Variants in UBE2E3 observed in about 807,000 individuals in gnomAD.
UBE2E3 encodes the protein ubiquitin conjugating enzyme E2 E3, also known as ubiquitin-conjugating enzyme E2 E3.
Under a neutral mutation model 23.6 loss-of-function variants are expected in UBE2E3, and 5 were observed. The observed-to-expected ratio is 0.21, with a 90% CI of 0.11 to 0.44. The LOEUF (loss-of-function observed/expected upper bound fraction) is 0.44, where lower values mean the gene tolerates loss of function less well. Among genes scored for constraint, UBE2E3 ranks in the 20% least tolerant of loss-of-function variants. The probability of loss-of-function intolerance (pLI) is 0.99; values close to 1 mark genes in which losing one functional copy is unlikely to be tolerated. For missense variants in UBE2E3, 81 were observed against 249.8 expected (o/e 0.32, Z 4.55); for synonymous variants, 78 against 87.5 (o/e 0.89, Z 0.60).
chr2:181,024,284 C>G (rs1047281940), intron 3 of UBE2E3, among the ~76,000 whole-genome samples: 8 of 152,018 alleles, frequency 5.3e-5, no homozygotes, highest in African/African-American at 1.9e-4. Flanking sequence ...TTAAAGTGAG[C>G]TATGAATTAA....
At chr2:181,047,943 T>G (rs1486163856) in intron 3 of UBE2E3, among the ~76,000 whole-genome samples, 5 of 143,584 alleles carry the variant, frequency 3.5e-5, no homozygotes. Flanking sequence ...ACAGCTTCCC[T>G]CATTAGGTCG....
chr2:181,010,718 AT>A (rs1383522635), intron 3 of UBE2E3, among the ~76,000 whole-genome samples: 1 of 152,170 alleles, frequency 6.6e-6, no homozygotes, highest in Non-Finnish European at 1.5e-5. Flanking sequence ...CCTGTGACTG[AT>A]ACAATCAATT....
At chr2:180,996,823 A>G (rs1559114924) in intron 3 of UBE2E3, among the ~76,000 whole-genome samples, 1 of 152,314 alleles carries the variant, frequency 6.6e-6, no homozygotes, top group East Asian at 1.9e-4. Flanking sequence ...ATGTTGACCA[A>G]GATACATTTG....
intron 3 of UBE2E3, among the ~76,000 whole-genome samples, chr2:181,030,353 G>A (rs753130739): frequency 2.0e-5 from 3 of 151,212 alleles, no homozygotes; most frequent in Non-Finnish European, 4.4e-5. Context: ...TTGCTCTGTC[G>A]CCCAGGCTGG....
Position 180,993,289 on chromosome 2 carries a change from G to C in UBE2E3, c.245+9196G>C, listed in dbSNP as rs1427397314. Among the ~76,000 whole-genome samples the C allele has an allele frequency of 2.0e-5, 3 of 152,224 alleles. No individual in the cohort carries two copies. In the East Asian group the frequency reaches 5.8e-4, roughly 29 times the overall value. ...TATATAATACTTGTTTTAACTTTAT[G>C]GTTATTCACAACAAATGAAGCTTTG... On this transcript the variant is annotated intron_variant, in intron 3 of 5. Coordinates refer to ENST00000410062, the MANE Select transcript of UBE2E3 (RefSeq NM_006357.4).
intron 3 of UBE2E3, among the ~76,000 whole-genome samples, chr2:181,025,617 A>C (rs770131178): frequency 6.6e-6 from 1 of 151,920 alleles, no homozygotes; most frequent in African/African-American, 2.4e-5. Context: ...GTCCTGTGTT[A>C]CTGGACTTGT....
intron 3 of UBE2E3, among the ~76,000 whole-genome samples, chr2:181,003,311 T>C (rs1685042382): frequency 6.6e-6 from 1 of 152,236 alleles, no homozygotes; most frequent in Non-Finnish European, 1.5e-5. Context: ...TTCTAACTGC[T>C]TTATCACATT....
chr2:181,020,970 T>C lies in UBE2E3; in HGVS notation c.246-36723T>C, dbSNP rs1420603373. 5.3e-5 allele frequency among the ~76,000 whole-genome samples: 8 copies of C among 152,312 alleles called. No individual in the cohort carries two copies. The South Asian group carries it at 1.7e-3, about 32-fold the overall frequency. ...TTATCCTTCCTGTTTTGTAATATTT[T>C]AGTTGGACATGTTTCAATATTTGTG... On this transcript the variant is annotated intron_variant, in intron 3 of 5. Coordinates refer to ENST00000410062, the MANE Select transcript of UBE2E3 (RefSeq NM_006357.4).
At chr2:180,992,225 C>T (rs538119484) in intron 3 of UBE2E3, among the ~76,000 whole-genome samples, 5 of 151,018 alleles carry the variant, frequency 3.3e-5, no homozygotes, top group African/African-American at 9.7e-5. Flanking sequence ...TCTTTGTTTA[C>T]TGGGTTGTTT....
chr2:180,988,430 TA>T (rs1684548767), intron 3 of UBE2E3, among the ~76,000 whole-genome samples: 1 of 152,190 alleles, frequency 6.6e-6, no homozygotes, highest in Admixed American at 6.5e-5. Flanking sequence ...GTATTCCTTT[TA>T]AAGGAACATG....
intron 1 of UBE2E3, among the ~76,000 whole-genome samples, chr2:180,981,788 GA>G (rs112923247): frequency 2.8e-4 from 43 of 152,292 alleles, no homozygotes; most frequent in African/African-American, 9.4e-4. Context: ...CCAAGAGACG[GA>G]AAAAAATGTG....
At chr2:181,012,477 A>C (rs1194253814) in intron 3 of UBE2E3, among the ~76,000 whole-genome samples, 1 of 152,170 alleles carries the variant, frequency 6.6e-6, no homozygotes, top group Non-Finnish European at 1.5e-5. Context: ...ACACACACAT[A>C]CATGAGGTCG....
intron 3 of UBE2E3, among the ~76,000 whole-genome samples, chr2:181,002,306 A>T (rs1685014527): frequency 6.6e-6 from 1 of 152,184 alleles, no homozygotes; most frequent in Non-Finnish European, 1.5e-5. Context: ...ATTATTCATT[A>T]ATGTTTATTT....
chr2:181,057,621 T>C (rs1687024905), intron 3 of UBE2E3, 72 bp from the exon 4 acceptor site: 5 of 1,315,340 alleles, frequency 3.8e-6, no homozygotes, highest in Non-Finnish European at 5.3e-6. Flanking sequence ...CCTTTAACAC[T>C]TCCCTGGTTT....
At chr2:180,996,218 C>T (rs1684817664) in intron 3 of UBE2E3, among the ~76,000 whole-genome samples, 1 of 152,104 alleles carries the variant, frequency 6.6e-6, no homozygotes, top group Non-Finnish European at 1.5e-5. Context: ...TCAACTTAAC[C>T]ATTGCTCTAG....
chr2:181,023,206 G>A (rs1448616993), intron 3 of UBE2E3, among the ~76,000 whole-genome samples: 7 of 152,282 alleles, frequency 4.6e-5, no homozygotes, highest in African/African-American at 1.4e-4. Flanking sequence ...ATATTTTTAG[G>A]AGTAGGTGAA....
chr2:181,011,815 T>C (rs1380434995), intron 3 of UBE2E3, among the ~76,000 whole-genome samples: 10 of 152,192 alleles, frequency 6.6e-5, no homozygotes, highest in Non-Finnish European at 1.2e-4. Flanking sequence ...GTGTCCTCCT[T>C]TTAAGTGATT....
At chr2:181,041,234 CAAA>C (rs1206207155) in intron 3 of UBE2E3, among the ~76,000 whole-genome samples, 1 of 77,194 alleles carries the variant, frequency 1.3e-5, no homozygotes, top group Non-Finnish European at 2.4e-5. Context: ...GACTCCGTCT[CAAA>C]AAAAAAAAAA....
intron 3 of UBE2E3, among the ~76,000 whole-genome samples, chr2:181,029,062 CT>C (rs1266278884): frequency 1.3e-5 from 2 of 151,976 alleles, no homozygotes; most frequent in African/African-American, 4.8e-5. Context: ...ATATGGATAA[CT>C]ATTTGTTTTA....
Sources: allele counts gnomAD v4.1 joint callset (sites outside exome capture counted in the v4.1 genomes callset), GRCh38; gene constraint gnomAD v4.1.1; transcripts MANE v1.5; gene names NCBI Gene and HGNC (gene_info 2026-07-23, HGNC 2026-07-21).